Variants in CA6 observed in about 807,000 individuals in gnomAD.
CA6 encodes carbonate dehydratase VI.
A neutral mutation model predicts 35.9 loss-of-function variants in CA6; 28 were observed. The observed-to-expected ratio is 0.78, with a 90% CI of 0.58 to 1.07. CA6 has a LOEUF of 1.07. Among genes scored for constraint, CA6 ranks in the 50% least tolerant of loss-of-function variants. The probability of loss-of-function intolerance (pLI) is 0.00; values close to 1 mark genes in which losing one functional copy is unlikely to be tolerated. For synonymous variants in CA6, 148 were observed against 152.6 expected, an observed-to-expected ratio of 0.97 and a Z score of 0.22; for missense variants, 377 against 382.0, an observed-to-expected ratio of 0.99 and a Z score of 0.11.
intron 4 of CA6, among the ~76,000 whole-genome samples, chr1:8,961,700 G>C (rs199636067): frequency 6.6e-6 from 1 of 151,620 alleles, no homozygotes; most frequent in East Asian, 1.9e-4. Flanking sequence ...TTTATGCACA[G>C]TGAAAGAGAT....
At chr1:8,966,235 G>A (rs1569714574) in intron 5 of CA6, among the ~76,000 whole-genome samples, 6 of 152,000 alleles carry the variant, frequency 3.9e-5, no homozygotes, top group Admixed American at 3.3e-4. Flanking sequence ...TCAGCCTCCC[G>A]AGTAGCTGGG....
At chr1:8,971,559 C>T (rs1335947066) in intron 7 of CA6, among the ~76,000 whole-genome samples, 1 of 152,146 alleles carries the variant, frequency 6.6e-6, no homozygotes, top group African/African-American at 2.4e-5. Context: ...GATCTGCCCA[C>T]CTCGGCCTCC....
chr1:8,970,187 A>G (rs1640070436), intron 6 of CA6, among the ~76,000 whole-genome samples: 1 of 146,202 alleles, frequency 6.8e-6, no homozygotes, highest in African/African-American at 2.6e-5. Flanking sequence ...GCCTGGCGAC[A>G]GAGCGAGACT....
Position 8,956,265 on chromosome 1 carries a change from G to GCCTGGC in CA6, c.260-869_260-868insGGCCCT, listed in dbSNP as rs369439587. ...AGATCTTGCTCATGAGACACATGCT[G>GCCTGGC]CCTTTCCAACGCCGAAATTATATCC... On this transcript the variant is annotated intron_variant, in intron 2 of 7. Transcript: ENST00000377443. Among the ~76,000 whole-genome samples the GCCTGGC allele has an allele frequency of 8.0e-3, 1,225 of 152,226 alleles. 13 individuals carry two copies. Among genetic ancestry groups the GCCTGGC allele is most frequent in the African/African-American group, 0.029 (1,197 of 41,540 alleles).
intron 5 of CA6, among the ~76,000 whole-genome samples, chr1:8,966,697 C>T (rs1639977322): frequency 6.6e-6 from 1 of 152,162 alleles, no homozygotes; most frequent in African/African-American, 2.4e-5. Context: ...CAGAAGTGCT[C>T]AGGGAAAGTG....
intron 4 of CA6, among the ~76,000 whole-genome samples, chr1:8,960,789 C>CACATATATAT (rs59987426): frequency 3.2e-4 from 38 of 116,976 alleles, no homozygotes; most frequent in African/African-American, 1.1e-3. Flanking sequence ...CACACACACA[C>CACATATATAT]ATATATATAA....
intron 7 of CA6, among the ~76,000 whole-genome samples, chr1:8,972,348 G>A (rs936819462): frequency 1.3e-5 from 2 of 152,144 alleles, no homozygotes; most frequent in African/African-American, 2.4e-5. Flanking sequence ...ACCTCGTTCG[G>A]CCTTATCCCA....
chr1:8,948,711 T>C (rs764369861), intron 1 of CA6, among the ~76,000 whole-genome samples: 1 of 152,122 alleles, frequency 6.6e-6, no homozygotes, highest in Non-Finnish European at 1.5e-5. Context: ...GGCTCACGCC[T>C]GTAATCCCAG....
intron 7 of CA6, among the ~76,000 whole-genome samples, chr1:8,971,330 G>A (rs934281186): frequency 7.2e-5 from 4 of 55,368 alleles, no homozygotes; most frequent in African/African-American, 2.1e-4. Context: ...TTTTTTTTTT[G>A]AGACAGAGTC....
At chr1:8,956,304 T>C (rs562537923) in intron 2 of CA6, among the ~76,000 whole-genome samples, 1 of 152,208 alleles carries the variant, frequency 6.6e-6, no homozygotes, top group Non-Finnish European at 1.5e-5. Flanking sequence ...TAGATATTTT[T>C]CTTAGTCACT....
chr1:8,958,008 T>G (rs1415790107), intron 3 of CA6, among the ~76,000 whole-genome samples: 2 of 152,026 alleles, frequency 1.3e-5, no homozygotes, highest in Non-Finnish European at 2.9e-5. Flanking sequence ...GAAGTTGAGT[T>G]TATTTTTTAT....
chr1:8,953,624 T>A (rs1218005138), intron 2 of CA6, among the ~76,000 whole-genome samples: 1 of 130,824 alleles, frequency 7.6e-6, no homozygotes, highest in Non-Finnish European at 1.7e-5. Flanking sequence ...CTTCTCTCAA[T>A]CAATCAATCA....
intron 2 of CA6, among the ~76,000 whole-genome samples, chr1:8,956,606 G>A (rs1474097783): frequency 6.6e-6 from 1 of 152,160 alleles, no homozygotes; most frequent in African/African-American, 2.4e-5. Flanking sequence ...GCTGCAGTGA[G>A]TTGCTGCAGC....
At chr1:8,972,711 A>C (rs1050702570) in intron 7 of CA6, among the ~76,000 whole-genome samples, 2 of 151,972 alleles carry the variant, frequency 1.3e-5, no homozygotes, top group African/African-American at 2.4e-5. Flanking sequence ...AACAAACAAA[A>C]AAATTAAATT....
intron 1 of CA6, among the ~76,000 whole-genome samples, chr1:8,946,980 T>C (rs186337545): frequency 2.0e-5 from 3 of 152,014 alleles, no homozygotes; most frequent in Admixed American, 1.3e-4. Context: ...ACTTTTGTAT[T>C]TTTAGTGGAG....
intron 7 of CA6, among the ~76,000 whole-genome samples, chr1:8,971,990 T>C (rs909025907): frequency 1.8e-4 from 27 of 152,242 alleles, no homozygotes; most frequent in Non-Finnish European, 2.2e-4. Flanking sequence ...GATACCTTTA[T>C]ATTTTCCAAT....
chr1:8,968,044 T>C (rs1347378365), intron 6 of CA6, among the ~76,000 whole-genome samples: 2 of 142,294 alleles, frequency 1.4e-5, no homozygotes, highest in Non-Finnish European at 3.0e-5. Context: ...CTCAGCTCAC[T>C]GCAACCTCCG....
chr1:8,967,658 G>A lies in CA6; in HGVS notation c.572-1G>A. On this transcript the variant is annotated splice_acceptor_variant, in intron 5 of 7. Transcript: ENST00000377443. LOFTEE classifies it high-confidence loss of function. ...CTGTTACCTTCTGTCTTCTTGGTCA[G>A]GACAAAGAACAACCCTGACTGGCCT... 1 of 1,613,576 alleles carries A rather than the reference G, an allele frequency of 6.2e-7. No homozygotes were observed. Among genetic ancestry groups the A allele is most frequent in the Non-Finnish European group, 8.5e-7 (1 of 1,179,640 alleles).
chr1:8,965,584 C>T (rs1639947884), intron 5 of CA6, among the ~76,000 whole-genome samples: 1 of 151,998 alleles, frequency 6.6e-6, no homozygotes, highest in African/African-American at 2.4e-5. Context: ...ATCAGAATTT[C>T]ATTCCTTTTA....
Sources: gnomAD v4.1 joint callset for allele counts (sites outside exome capture counted in the v4.1 genomes callset) on GRCh38, gnomAD v4.1.1 for gene constraint, MANE v1.5 for transcripts, NCBI Gene and HGNC (gene_info 2026-07-23, HGNC 2026-07-21) for gene names.